Variants in PRDM2 observed in about 807,000 individuals in gnomAD.
PRDM2 encodes the protein PR domain zinc finger protein 2.
Under a neutral mutation model 130.0 loss-of-function variants are expected in PRDM2, and 30 were observed. The observed-to-expected ratio is 0.23, with a 90% CI of 0.17 to 0.31. PRDM2 has a LOEUF of 0.31. PRDM2 is among the 10% of genes least tolerant of loss of function. The pLI, the probability that PRDM2 is intolerant of heterozygous loss-of-function variation, is 1.00. For synonymous variants in PRDM2, 871 were observed against 782.4 expected (o/e 1.11, Z -1.89); for missense variants, 2,011 against 2,108.4 (o/e 0.95, Z 0.90).
chr1:13,740,713 A>G (rs1203631), intron 4 of PRDM2, among the ~76,000 whole-genome samples: 35,360 of 152,150 alleles, frequency 0.23, 4,243 homozygotes, highest in Admixed American at 0.26. Flanking sequence ...CCTGCTACAT[A>G]GGGTTAAATG....
At chr1:13,737,192 A>G (rs1453760805) in intron 4 of PRDM2, among the ~76,000 whole-genome samples, 1 of 152,224 alleles carries the variant, frequency 6.6e-6, no homozygotes, top group African/African-American at 2.4e-5. Flanking sequence ...AAAGGTTTAG[A>G]TCACCAGGGA....
chr1:13,763,579 C>G (rs147905141), intron 6 of PRDM2, among the ~76,000 whole-genome samples: 2,921 of 152,212 alleles, frequency 0.019, 40 homozygotes, highest in Middle Eastern at 0.041. Flanking sequence ...GCCATCTAGG[C>G]CAAGTACAAA....
In PRDM2 at chr1:13,779,813, C is replaced by T; in HGVS notation, c.2018C>T (p.Thr673Ile). The change falls in exon 8 of 10, where the codon ACA becomes ATA. Residue 673 changes from threonine to isoleucine, a missense_variant. By Grantham distance (89) the Thr-to-Ile change is moderately conservative. Around this residue, in one of 5 missense-constraint regions of PRDM2, gnomAD observed 1,288 missense variants for 1,237.7 expected, o/e 1.04. Coordinates refer to ENST00000311066, the MANE Select transcript of PRDM2 (RefSeq NM_001393986.1). This position sits in a 1 kb window ranked among gnomAD's most constrained non-coding sequence, Gnocchi z 4.9. ...CSLSLPLSISTTEAVSFHKEK... is the reference protein window; with the variant it reads ...CSLSLPLSISITEAVSFHKEK... ...TTAAGTCTTCCTCTTAGCATATCAA[C>T]AACAGAGGCAGTGTCTTTCCACAAA... is the stretch of plus-strand genomic sequence containing the variant. 6.2e-7 allele frequency: 1 copy of T among 1,614,210 alleles called. No individual in the cohort carries two copies. Among genetic ancestry groups the T allele is most frequent in the Non-Finnish European group, 8.5e-7 (1 of 1,180,028 alleles).
intron 1 of PRDM2, among the ~76,000 whole-genome samples, chr1:13,710,815 G>A (rs567478952): frequency 2.0e-5 from 3 of 152,078 alleles, no homozygotes; most frequent in Admixed American, 6.5e-5. Context: ...GGCCGGGCGC[G>A]GTGGCTCACA....
Position 13,824,293 on chromosome 1 carries a change from G to A in PRDM2, c.*1158G>A, listed in dbSNP as rs1224605442. ...AAGAGTGAGCTATCAAACCCAGAGC[G>A]GAAGGAGGGAGCTCTGATGAGCACG... On this transcript the variant is annotated 3_prime_UTR_variant, in exon 10 of 10. Transcript: ENST00000311066. The A allele has an allele frequency of 2.0e-5, 3 of 152,616 alleles. No individual in the cohort carries two copies. Among genetic ancestry groups the A allele is most frequent in the African/African-American group, 7.2e-5 (3 of 41,450 alleles). 9.5% of individuals were successfully genotyped at this position (152,616 alleles called of 1,614,324 possible).
chr1:13,721,206 C>T lies in PRDM2; in HGVS notation c.9+5592C>T, dbSNP rs536656118. Among the ~76,000 whole-genome samples the T allele has an allele frequency of 6.6e-5, 10 of 152,230 alleles. No individual in the cohort carries two copies. In the South Asian group the frequency reaches 1.4e-3, roughly 22 times the overall value. ...CATGTATCAGTAGTTCATTTCTTTA[C>T]GGGAGCTGTTTTATGGGAGACCATC... On this transcript the variant is annotated intron_variant, in intron 2 of 9. Transcript: ENST00000311066.
At chr1:13,773,928 A>G (rs533697123) in intron 7 of PRDM2, among the ~76,000 whole-genome samples, 1 of 152,324 alleles carries the variant, frequency 6.6e-6, no homozygotes, top group Non-Finnish European at 1.5e-5. Context: ...GTACACTTTA[A>G]TACATGTACG....
At chr1:13,786,545 A>C in intron 8 of PRDM2, 1 of 1,608,988 alleles carries the variant, frequency 6.2e-7, no homozygotes. Flanking sequence ...CCCAAAACAA[A>C]ACAAACCTTA....
chr1:13,781,555 G>C lies in PRDM2; in HGVS notation c.3760G>C (p.Glu1254Gln), dbSNP rs1243343478. 1 of 1,612,012 alleles carries C rather than the reference G, an allele frequency of 6.2e-7. No individual in the cohort carries two copies. The highest frequency in any genetic ancestry group is 8.5e-7 in the Non-Finnish European group (1 of 1,179,820). The change falls in exon 8 of 10, where the codon GAA (glutamate) becomes CAA (glutamine). Residue 1254 changes from glutamate to glutamine, a missense_variant. Glu to Gln is a conservative substitution (Grantham distance 29). Coordinates refer to ENST00000311066, the MANE Select transcript of PRDM2 (RefSeq NM_001393986.1). This position sits in a 1 kb window ranked among gnomAD's most constrained non-coding sequence, Gnocchi z 6.1. The stretch of plus-strand genomic sequence containing the variant: ...GCAGAGCTTGCCAGAAGATCCTTTA[G>C]AAACTTCTAAAGAAGAAGAGGAGTT... ...HMQSLPEDPL[E>Q]TSKEEEELND...
intron 6 of PRDM2, chr1:13,769,207 G>A (rs1184910502): frequency 1.1e-6 from 1 of 947,634 alleles, no homozygotes; most frequent in Admixed American, 6.2e-5. Flanking sequence ...AGGCCTCCCA[G>A]CGGCTCCTGC....
At chr1:13,716,253 G>T (rs1376606833) in intron 2 of PRDM2, among the ~76,000 whole-genome samples, 3 of 149,266 alleles carry the variant, frequency 2.0e-5, no homozygotes, top group Non-Finnish European at 4.4e-5. Flanking sequence ...TGAACAATGA[G>T]ATCACATGGA....
At chr1:13,740,461 T>C (rs552678991) in intron 4 of PRDM2, among the ~76,000 whole-genome samples, 2 of 152,192 alleles carry the variant, frequency 1.3e-5, no homozygotes, top group South Asian at 4.1e-4. Context: ...GATACTCTCC[T>C]TGGTGCCTAT....
At chr1:13,722,921 G>T in intron 2 of PRDM2, 2 of 486,586 alleles carry the variant, frequency 4.1e-6, no homozygotes, top group Admixed American at 4.3e-5. Context: ...TAGCCTAGAT[G>T]CCAGAAAGCC....
chr1:13,819,849 C>T (rs1264113328), intron 9 of PRDM2, among the ~76,000 whole-genome samples: 2 of 152,176 alleles, frequency 1.3e-5, no homozygotes, highest in Non-Finnish European at 2.9e-5. Context: ...ATCGTGAGCC[C>T]TGCTTCGTGA....
chr1:13,796,124 T>C (rs1414670081), intron 8 of PRDM2, among the ~76,000 whole-genome samples: 2 of 152,200 alleles, frequency 1.3e-5, no homozygotes, highest in African/African-American at 2.4e-5. Context: ...AAGGTAACCA[T>C]CAATTAATAC....
intron 6 of PRDM2, among the ~76,000 whole-genome samples, chr1:13,761,468 A>G (rs1644096667): frequency 6.6e-6 from 1 of 152,214 alleles, no homozygotes; most frequent in Non-Finnish European, 1.5e-5. Flanking sequence ...TGATCTGTGC[A>G]GCATCTTGAC....
In PRDM2 at chr1:13,782,304, AAGT is replaced by A. The variant is rs1237740677; in HGVS notation, c.4513_4515del (p.Ser1505del). 3 of 1,614,018 alleles carry A rather than the reference AAGT, an allele frequency of 1.9e-6. No individual in the cohort carries two copies. The Admixed American group carries it at 5.0e-5, about 27-fold the overall frequency. On this transcript the variant is annotated inframe_deletion, in exon 8 of 10. Coordinates refer to ENST00000311066, the MANE Select transcript of PRDM2 (RefSeq NM_001393986.1). Reference sequence around the variant, plus strand: ...AGAAAGGTGGACACTCATCACCTGCAAGTAGTGACAAAAACAGTAACAGCAACC... The same window carrying A: ...AGAAAGGTGGACACTCATCACCTGCAAGTGACAAAAACAGTAACAGCAACC...
At position 13,749,418 on chromosome 1, in the gene PRDM2, A is replaced by G; in HGVS notation, c.442A>G (p.Ile148Val). Residue 148 changes from isoleucine to valine, a missense_variant, in exon 6 of 10, where the codon ATA becomes GTA. This residue lies in a region of PRDM2 where 1,288 missense variants were observed against 1,237.7 expected (regional missense o/e 1.04). Coordinates refer to ENST00000311066, the MANE Select transcript of PRDM2 (RefSeq NM_001393986.1). ...GTACAATGGGGAAGACAACCCTGAGATAGCAGCTGCGATTGAGGAAGAGCG... is the reference window on the plus strand; with the variant it reads ...GTACAATGGGGAAGACAACCCTGAGGTAGCAGCTGCGATTGAGGAAGAGCG... The part of the protein sequence containing the change: ...VWYNGEDNPE[I>V]AAAIEEERAS... 1 of 1,507,434 alleles carries G rather than the reference A, an allele frequency of 6.6e-7. No homozygotes were observed. The highest frequency in any genetic ancestry group is 9.0e-7 in the Non-Finnish European group (1 of 1,114,966). 93.4% of individuals were successfully genotyped at this position (1,507,434 alleles called of 1,614,324 possible).
chr1:13,803,464 G>A lies in PRDM2; in HGVS notation c.5037-12963G>A, dbSNP rs1178201666. On this transcript the variant is annotated intron_variant, in intron 8 of 9. Transcript: ENST00000311066. The surrounding 1 kb of genome is among the most constrained non-coding windows in gnomAD (Gnocchi z 6.2). Reference sequence around the variant, plus strand: ...TTACAGAGATCTGAGTGCCCTCAGCGAGTCCTCGGGGGCTTCAACTACCCT... The same window carrying A: ...TTACAGAGATCTGAGTGCCCTCAGCAAGTCCTCGGGGGCTTCAACTACCCT... Among the ~76,000 whole-genome samples the A allele has an allele frequency of 2.6e-5, 4 of 152,284 alleles. No individual in the cohort carries two copies. Among genetic ancestry groups the A allele is most frequent in the South Asian group, 4.1e-4 (2 of 4,820 alleles).
Sources: gnomAD v4.1 joint callset for allele counts (sites outside exome capture counted in the v4.1 genomes callset) on GRCh38, gnomAD v4.1.1 for gene constraint, gnomAD v4.1.1 regional missense constraint, Gnocchi (gnomAD v3.1) non-coding constraint, MANE v1.5 for transcripts, NCBI Gene and HGNC (gene_info 2026-07-23, HGNC 2026-07-21) for gene names.